The following PLA2G10 variants were observed in gnomAD, a reference collection of about 807,000 sequenced individuals.
The protein encoded by PLA2G10 is phospholipase A2 group X.
A neutral mutation model predicts 7.9 loss-of-function variants in PLA2G10; 9 were observed. The ratio of observed to expected loss-of-function variants is 1.14; its 90% CI spans 0.68 to 1.98. The LOEUF is 1.98. Ranked by LOEUF, PLA2G10 falls within the 30% of genes most tolerant of loss-of-function variation. PLA2G10 has a pLI of 0.00. For synonymous variants in PLA2G10, 19 were observed against 27.5 expected, an observed-to-expected ratio of 0.69 and a Z score of 0.97; for missense variants, 53 against 65.4, an observed-to-expected ratio of 0.81 and a Z score of 0.66.
intron 3 of PLA2G10, among the ~76,000 whole-genome samples, chr16:14,675,668 C>T (rs1004476108): frequency 2.7e-5 from 4 of 148,642 alleles, no homozygotes; most frequent in Admixed American, 2.0e-4. Flanking sequence ...TGGCCAGGCA[C>T]GATGGCTCAC....
At chr16:14,677,853 AGATGGATG>A (rs66604338) in intron 3 of PLA2G10, among the ~76,000 whole-genome samples, 43,371 of 145,994 alleles carry the variant, frequency 0.3, 7,396 homozygotes, top group Non-Finnish European at 0.36. Flanking sequence ...ATGGATGGAT[AGATGGATG>A]GATGGATGGA....
intron 3 of PLA2G10, among the ~76,000 whole-genome samples, 198 bp from the exon 4 acceptor site, chr16:14,672,947 C>T (rs549762676): frequency 1.1e-4 from 17 of 151,374 alleles, no homozygotes; most frequent in African/African-American, 3.9e-4. Flanking sequence ...TTGAAAGTTT[C>T]AAATGGAGAG....
intron 3 of PLA2G10, among the ~76,000 whole-genome samples, chr16:14,673,235 A>C (rs1394095914): frequency 1.3e-5 from 2 of 151,482 alleles, no homozygotes; most frequent in African/African-American, 4.9e-5. Context: ...GTTGGCCAGG[A>C]TGGTCTCGAA....
chr16:14,687,395 C>T (rs1961115755), intron 3 of PLA2G10, among the ~76,000 whole-genome samples: 1 of 147,078 alleles, frequency 6.8e-6, no homozygotes, highest in Non-Finnish European at 1.5e-5. Flanking sequence ...GTGACTCGAT[C>T]ACAGCTCACT....
intron 3 of PLA2G10, among the ~76,000 whole-genome samples, chr16:14,679,806 A>C (rs1836791533): frequency 6.6e-6 from 1 of 152,102 alleles, no homozygotes; most frequent in African/African-American, 2.4e-5. Context: ...AGTTGTGATC[A>C]TGCCACTGCA....
At chr16:14,675,131 A>G (rs937225148) in intron 3 of PLA2G10, among the ~76,000 whole-genome samples, 1 of 150,186 alleles carries the variant, frequency 6.7e-6, no homozygotes, top group Non-Finnish European at 1.5e-5. Context: ...AGATTGCACC[A>G]TTGCACTCCA....
At chr16:14,684,234 G>A (rs1007035645) in intron 3 of PLA2G10, among the ~76,000 whole-genome samples, 8 of 149,534 alleles carry the variant, frequency 5.3e-5, no homozygotes, top group African/African-American at 2.0e-4. Flanking sequence ...GGTGGTGCAT[G>A]CCTGAGACAG....
intron 3 of PLA2G10, among the ~76,000 whole-genome samples, chr16:14,673,363 A>C (rs1315114556): frequency 6.7e-6 from 1 of 150,050 alleles, no homozygotes; most frequent in Non-Finnish European, 1.5e-5. Flanking sequence ...TTTATTTAAA[A>C]ATAATAATAG....
chr16:14,677,470 G>A (rs958352373), intron 3 of PLA2G10, among the ~76,000 whole-genome samples: 1 of 152,072 alleles, frequency 6.6e-6, no homozygotes, highest in African/African-American at 2.4e-5. Flanking sequence ...GGGTTCAAGC[G>A]ATTCTCCTGC....
In PLA2G10 at chr16:14,672,722, A is replaced by G; in HGVS notation, c.383T>C (p.Leu128Pro). 1 of 1,614,028 alleles carries G rather than the reference A, an allele frequency of 6.2e-7. No homozygotes were observed. Residue 128 changes from leucine to proline, a missense_variant, in exon 4 of 4, where the codon CTG becomes CCG. This residue lies in a region of PLA2G10 where 48 missense variants were observed against 47.0 expected (regional missense o/e 1.02). Coordinates refer to ENST00000438167, the MANE Select transcript of PLA2G10 (RefSeq NM_003561.3). ...AATCTCCTGGTCACACTTGCACAAC[A>G]GTTCTTGGCATTTGTTCTCTGCCGG... ...CGPAENKCQE[L>P]LCKCDQEIAN...
intron 3 of PLA2G10, among the ~76,000 whole-genome samples, chr16:14,674,127 GAA>G (rs952951461): frequency 7.0e-6 from 1 of 143,220 alleles, no homozygotes. Flanking sequence ...ATAATAGCTG[GAA>G]AAAAAAAAAG....
At chr16:14,686,300 C>A (rs760176853) in intron 3 of PLA2G10, among the ~76,000 whole-genome samples, 1 of 151,648 alleles carries the variant, frequency 6.6e-6, no homozygotes, top group Non-Finnish European at 1.5e-5. Flanking sequence ...TTTCAAGTAA[C>A]AGAAAATAGA....
chr16:14,675,348 A>C (rs952003241), intron 3 of PLA2G10, among the ~76,000 whole-genome samples: 1 of 152,148 alleles, frequency 6.6e-6, no homozygotes, highest in African/African-American at 2.4e-5. Context: ...ACTTAAATCT[A>C]AGACCTGAAA....
At chr16:14,684,717 G>T (rs1961003594) in intron 3 of PLA2G10, among the ~76,000 whole-genome samples, 1 of 152,072 alleles carries the variant, frequency 6.6e-6, no homozygotes, top group Non-Finnish European at 1.5e-5. Context: ...AGCTACTCAG[G>T]AGGCTGAGCC....
At chr16:14,674,406 A>G (rs1020410938) in intron 3 of PLA2G10, among the ~76,000 whole-genome samples, 1 of 151,710 alleles carries the variant, frequency 6.6e-6, no homozygotes, top group African/African-American at 2.4e-5. Flanking sequence ...ACATGGAACT[A>G]AAAAAGAGCC....
At chr16:14,674,178 G>A (rs1960664422) in intron 3 of PLA2G10, among the ~76,000 whole-genome samples, 1 of 150,010 alleles carries the variant, frequency 6.7e-6, no homozygotes, top group African/African-American at 2.4e-5. Context: ...TACTTGAGCA[G>A]GAAGGTGAAA....
intron 3 of PLA2G10, among the ~76,000 whole-genome samples, chr16:14,686,843 C>G (rs1961083967): frequency 6.6e-6 from 1 of 152,128 alleles, no homozygotes; most frequent in Admixed American, 6.5e-5. Flanking sequence ...CAGTGGCTCA[C>G]ACCTGTAATT....
chr16:14,681,575 A>G (rs1437608550), intron 3 of PLA2G10, among the ~76,000 whole-genome samples: 2 of 152,044 alleles, frequency 1.3e-5, no homozygotes, highest in Non-Finnish European at 2.9e-5. Flanking sequence ...TTAAGTTTAA[A>G]ATTAAGGCCT....
Position 14,685,989 on chromosome 16 carries a change from C to CTTTT in PLA2G10, c.355+2172_355+2175dup, listed in dbSNP as rs147554543. Reference sequence around the variant, plus strand: ...CGCCCAGCCTCTTTTTTTCTTTACTCTTTTTTTTTTTTTTTTTTTTTGAGA... The same window carrying CTTTT: ...CGCCCAGCCTCTTTTTTTCTTTACTCTTTTTTTTTTTTTTTTTTTTTTTTTGAGA... On this transcript the variant is annotated intron_variant, in intron 3 of 3. Coordinates refer to ENST00000438167, the MANE Select transcript of PLA2G10 (RefSeq NM_003561.3). Among the ~76,000 whole-genome samples, 20 of 106,740 alleles carry CTTTT rather than the reference C, an allele frequency of 1.9e-4. 1 individual carries two copies. Among genetic ancestry groups the CTTTT allele is most frequent in the Non-Finnish European group, 3.0e-4 (16 of 53,958 alleles). 70.0% of individuals were successfully genotyped at this position (106,740 alleles called of 152,430 possible).
Sources: gnomAD v4.1 joint callset for allele counts (sites outside exome capture counted in the v4.1 genomes callset) on GRCh38, gnomAD v4.1.1 for gene constraint, gnomAD v4.1.1 regional missense constraint, MANE v1.5 for transcripts, NCBI Gene and HGNC (gene_info 2026-07-23, HGNC 2026-07-21) for gene names.